RIMS4: variants seen among roughly 807,000 people sequenced by gnomAD.
RIMS4 encodes regulating synaptic membrane exocytosis 4.
RIMS4 carries 9 observed loss-of-function variants against 29.0 expected under a neutral mutation model. The ratio of observed to expected loss-of-function variants is 0.31; its 90% CI spans 0.19 to 0.54. The LOEUF (loss-of-function observed/expected upper bound fraction) is 0.54, where lower values mean the gene tolerates loss of function less well. Ranked by LOEUF, RIMS4 falls within the 20% of genes least tolerant of loss-of-function variation. RIMS4 has a pLI of 0.94. For missense variants in RIMS4, 193 were observed against 365.7 expected, an observed-to-expected ratio of 0.53 and a Z score of 3.85; for synonymous variants, 130 against 152.9, an observed-to-expected ratio of 0.85 and a Z score of 1.10.
At chr20:44,797,989 T>G (rs368066293) in intron 1 of RIMS4, among the ~76,000 whole-genome samples, 1 of 152,240 alleles carries the variant, frequency 6.6e-6, no homozygotes, top group Non-Finnish European at 1.5e-5. Flanking sequence ...GGTTTCTTTA[T>G]GACAAATCCA....
chr20:44,757,918 G>A (rs954074740), intron 3 of RIMS4, 147 bp from the exon 4 acceptor site: 2 of 947,220 alleles, frequency 2.1e-6, no homozygotes, highest in African/African-American at 3.2e-5. Flanking sequence ...CAAGTGCCTA[G>A]GCTCTGCTGA....
chr20:44,758,043 C>A, intron 3 of RIMS4, 29 bp downstream of exon 3: 1 of 1,500,162 alleles, frequency 6.7e-7, no homozygotes, highest in South Asian at 1.2e-5. Context: ...CTCCCCTAGT[C>A]CATTTGAAAC....
intron 1 of RIMS4, among the ~76,000 whole-genome samples, chr20:44,787,652 G>T (rs1013887136): frequency 1.1e-4 from 16 of 150,794 alleles, no homozygotes; most frequent in Admixed American, 4.0e-4. Context: ...TTGAAAATCT[G>T]CTGGGAGCTG....
At chr20:44,787,144 C>T (rs141247067) in intron 1 of RIMS4, among the ~76,000 whole-genome samples, 66 of 152,260 alleles carry the variant, frequency 4.3e-4, no homozygotes, top group African/African-American at 1.5e-3. Flanking sequence ...CCGTGGCAGA[C>T]ATGTCTGGTA....
At chr20:44,806,301 G>A (rs1329978424) in intron 1 of RIMS4, among the ~76,000 whole-genome samples, 3 of 152,190 alleles carry the variant, frequency 2.0e-5, no homozygotes, top group African/African-American at 4.8e-5. Flanking sequence ...TTTGGCATCT[G>A]TTGGAAACTT....
chr20:44,776,332 T>G (rs1392172258), intron 1 of RIMS4, among the ~76,000 whole-genome samples: 1 of 152,086 alleles, frequency 6.6e-6, no homozygotes, highest in Non-Finnish European at 1.5e-5. Flanking sequence ...TAGGTTCAGT[T>G]TTTGCACCCA....
At chr20:44,795,983 G>C (rs772647943) in intron 1 of RIMS4, among the ~76,000 whole-genome samples, 1 of 152,150 alleles carries the variant, frequency 6.6e-6, no homozygotes. Flanking sequence ...ATTTCCATCT[G>C]TGGGGAGAGG....
chr20:44,780,854 G>C (rs193268353), intron 1 of RIMS4, among the ~76,000 whole-genome samples: 1 of 152,334 alleles, frequency 6.6e-6, no homozygotes. Context: ...GATGAAGTGA[G>C]TGAAAGCAAG....
chr20:44,786,295 T>A (rs1470257501), intron 1 of RIMS4, among the ~76,000 whole-genome samples: 1 of 152,060 alleles, frequency 6.6e-6, no homozygotes, highest in Non-Finnish European at 1.5e-5. Flanking sequence ...CCCAAACTGC[T>A]CCATGGTTGG....
At chr20:44,759,724 C>A (rs543983027) in intron 2 of RIMS4, among the ~76,000 whole-genome samples, 1 of 152,350 alleles carries the variant, frequency 6.6e-6, no homozygotes, top group South Asian at 2.1e-4. Flanking sequence ...AAAAGAGAAT[C>A]CTGGAGACTA....
At chr20:44,806,408 G>A (rs1234801455) in intron 1 of RIMS4, among the ~76,000 whole-genome samples, 8 of 152,184 alleles carry the variant, frequency 5.3e-5, no homozygotes, top group Admixed American at 5.2e-4. Flanking sequence ...GAAGAGCAGG[G>A]AACCAGTGGC....
At chr20:44,767,908 T>C (rs1172649233) in intron 2 of RIMS4, among the ~76,000 whole-genome samples, 3 of 152,216 alleles carry the variant, frequency 2.0e-5, no homozygotes, top group African/African-American at 7.2e-5. Context: ...GGGGTCTCAT[T>C]AAAATACAGA....
At chr20:44,809,034 T>C (rs188599922) in intron 1 of RIMS4, among the ~76,000 whole-genome samples, 8 of 152,226 alleles carry the variant, frequency 5.3e-5, no homozygotes, top group Non-Finnish European at 1.0e-4. Context: ...TGTTCCCCCA[T>C]TGAATTCAAA....
chr20:44,758,978 T>A (rs1431258851), intron 2 of RIMS4, among the ~76,000 whole-genome samples: 1 of 152,200 alleles, frequency 6.6e-6, no homozygotes, highest in Non-Finnish European at 1.5e-5. Context: ...TAAGTCAATA[T>A]CAACAGCAAC....
chr20:44,776,448 G>T (rs988922774), intron 1 of RIMS4, among the ~76,000 whole-genome samples: 1 of 152,120 alleles, frequency 6.6e-6, no homozygotes, highest in Non-Finnish European at 1.5e-5. Flanking sequence ...TCCATCCTGA[G>T]AAATACTGTA....
chr20:44,756,251 G>C lies in RIMS4; in HGVS notation c.693C>G (p.Gly231=). Residue 231 remains glycine (G), a synonymous_variant, in exon 6 of 6, where the codon GGC becomes GGG. Coordinates refer to ENST00000372851, the MANE Select transcript of RIMS4 (RefSeq NM_182970.4). The surrounding 1 kb of genome is among the most constrained non-coding windows in gnomAD (Gnocchi z 5.9). The part of the protein sequence containing the change: ...EELDLTTLAV[G]WYKLFPTSSM... ...AGGAGGTGGGGAAGAGCTTGTACCA[G>C]CCCACGGCCAGGGTGGTCAAGTCCA... 1 of 1,613,988 alleles carries C rather than the reference G, an allele frequency of 6.2e-7. No homozygotes were observed. The highest frequency in any genetic ancestry group is 8.5e-7 in the Non-Finnish European group (1 of 1,179,952).
intron 1 of RIMS4, among the ~76,000 whole-genome samples, chr20:44,792,056 C>T (rs986951348): frequency 6.6e-6 from 1 of 152,132 alleles, no homozygotes; most frequent in Non-Finnish European, 1.5e-5. Context: ...AGGTGGGACT[C>T]AGCACTCTCT....
At chr20:44,808,120 T>C (rs1004886257) in intron 1 of RIMS4, among the ~76,000 whole-genome samples, 1 of 151,332 alleles carries the variant, frequency 6.6e-6, no homozygotes. Context: ...ATTCCAGGGC[T>C]TCAGTCACAC....
chr20:44,762,037 G>A (rs1169491272), intron 2 of RIMS4, among the ~76,000 whole-genome samples: 1 of 152,172 alleles, frequency 6.6e-6, no homozygotes, highest in African/African-American at 2.4e-5. Context: ...ACTGGGGCAG[G>A]GAGTGGGGGA....
Sources: gnomAD v4.1 joint callset for allele counts (sites outside exome capture counted in the v4.1 genomes callset) on GRCh38, gnomAD v4.1.1 for gene constraint, Gnocchi (gnomAD v3.1) non-coding constraint, MANE v1.5 for transcripts, NCBI Gene and HGNC (gene_info 2026-07-23, HGNC 2026-07-21) for gene names.